The following RNF19A variants were observed in gnomAD, a reference collection of about 807,000 sequenced individuals.
The protein encoded by RNF19A is E3 ubiquitin-protein ligase RNF19A.
A neutral mutation model predicts 75.7 loss-of-function variants in RNF19A; 32 were observed. The ratio of observed to expected loss-of-function variants is 0.42; its 90% confidence interval spans 0.32 to 0.57. RNF19A has a LOEUF of 0.57. Among genes scored for constraint, RNF19A ranks in the 20% least tolerant of loss-of-function variants. RNF19A has a pLI of 0.10. For missense variants in RNF19A, 782 were observed against 1,036.3 expected (o/e 0.75, Z 3.37); for synonymous variants, 335 against 345.2 (o/e 0.97, Z 0.33).
intron 1 of RNF19A, among the ~76,000 whole-genome samples, chr8:100,290,768 T>C (rs1341804881): frequency 2.0e-5 from 3 of 152,212 alleles, no homozygotes; most frequent in African/African-American, 7.2e-5. Flanking sequence ...GATGTTATAG[T>C]CTATTACACA....
At chr8:100,297,505 T>G (rs1364843838) in intron 1 of RNF19A, among the ~76,000 whole-genome samples, 1 of 152,222 alleles carries the variant, frequency 6.6e-6, no homozygotes, top group Admixed American at 6.5e-5. Flanking sequence ...GTGGCCACAT[T>G]ATTAGTCCTG....
chr8:100,300,084 A>G (rs1342165231), intron 1 of RNF19A, among the ~76,000 whole-genome samples: 1 of 152,238 alleles, frequency 6.6e-6, no homozygotes, highest in Non-Finnish European at 1.5e-5. Flanking sequence ...GGTAATTCTC[A>G]GATGGAATAA....
intron 2 of RNF19A, among the ~76,000 whole-genome samples, chr8:100,280,601 A>G (rs1279466610): frequency 1.3e-5 from 2 of 152,212 alleles, no homozygotes; most frequent in Non-Finnish European, 2.9e-5. Context: ...CTTTAATAAT[A>G]CTGACCAAAT....
intron 3 of RNF19A, among the ~76,000 whole-genome samples, chr8:100,274,127 T>C (rs1820389959): frequency 6.6e-6 from 1 of 152,164 alleles, no homozygotes; most frequent in Non-Finnish European, 1.5e-5. Flanking sequence ...TTGCTCAGGA[T>C]TGCTCACGGA....
chr8:100,283,148 C>A (rs969942855), intron 2 of RNF19A, among the ~76,000 whole-genome samples: 12 of 151,810 alleles, frequency 7.9e-5, no homozygotes, highest in African/African-American at 2.9e-4. Context: ...CTTGTATATT[C>A]AAAGCTCCCC....
At chr8:100,297,286 A>C (rs1821610611) in intron 1 of RNF19A, among the ~76,000 whole-genome samples, 1 of 152,214 alleles carries the variant, frequency 6.6e-6, no homozygotes, top group African/African-American at 2.4e-5. Flanking sequence ...TAGACGCGTG[A>C]GCACATAATA....
At chr8:100,313,454 A>G (rs1192223690), upstream of RNF19A, 4 of 243,938 alleles carry the variant, frequency 1.6e-5, no homozygotes, top group Non-Finnish European at 2.6e-5. Flanking sequence ...AGCCAGAAAC[A>G]CTTGTCAAAT....
At chr8:100,267,869 G>C (rs1234579043) in intron 5 of RNF19A, among the ~76,000 whole-genome samples, 2 of 151,558 alleles carry the variant, frequency 1.3e-5, no homozygotes, top group African/African-American at 4.8e-5. Context: ...GTAGAGATGG[G>C]GTTTCACCAT....
At position 100,332,844 on chromosome 8, in the gene RNF19A, C is replaced by A. The variant is rs1822628097; in HGVS notation, c.-243+3264G>T. Among the ~76,000 whole-genome samples, 1 of 152,078 alleles carries A rather than the reference C, an allele frequency of 6.6e-6. No individual in the cohort carries two copies. The highest frequency in any genetic ancestry group is 2.4e-5 in the African/African-American group (1 of 41,428). On this transcript the variant is annotated intron_variant, in intron 1 of 3. Coordinates refer to the RNF19A transcript ENST00000519527. The surrounding 1 kb of genome is among the most constrained non-coding windows in gnomAD (Gnocchi z 4.8). ...CCCATTTTCCTATTAGGATGTTGAC[C>A]ATTATTGATTGGTACAAGCTGTTTA...
intron 2 of RNF19A, among the ~76,000 whole-genome samples, chr8:100,278,565 G>A (rs1733800238): frequency 6.6e-6 from 1 of 152,130 alleles, no homozygotes. Context: ...CAGCTAATAT[G>A]AACACTGAGA....
At chr8:100,280,643 G>A (rs575936866) in intron 2 of RNF19A, among the ~76,000 whole-genome samples, 2 of 152,256 alleles carry the variant, frequency 1.3e-5, no homozygotes, top group Admixed American at 1.3e-4. Context: ...GACAACAAAA[G>A]TTAGAGCAGT....
rs1822583685 is a variant in RNF19A, at chr8:100,329,539, A to T, written c.-243+6569T>A. Among the ~76,000 whole-genome samples, 1 of 152,238 alleles carries T rather than the reference A, an allele frequency of 6.6e-6. No individual in the cohort carries two copies. Among genetic ancestry groups the T allele is most frequent in the Non-Finnish European group, 1.5e-5 (1 of 68,026 alleles). On this transcript the variant is annotated intron_variant, in intron 1 of 3. Coordinates refer to the RNF19A transcript ENST00000519527. The surrounding 1 kb of genome is among the most constrained non-coding windows in gnomAD (Gnocchi z 4.3). Reference sequence around the variant, plus strand: ...ATAAAGGAAGTCAATGGTCCCACTGAACTCAGCAATGGTCAGGCCTCATCT... The same window carrying T: ...ATAAAGGAAGTCAATGGTCCCACTGTACTCAGCAATGGTCAGGCCTCATCT...
chr8:100,287,419 A>T lies in RNF19A; in HGVS notation c.674+82T>A, dbSNP rs968029369. 1.3e-5 allele frequency: 18 copies of T among 1,343,496 alleles called. No homozygotes were observed. Among genetic ancestry groups the T allele is most frequent in the Non-Finnish European group, 1.7e-5 (17 of 984,184 alleles). 83.2% of individuals were successfully genotyped at this position (1,343,496 alleles called of 1,614,324 possible). A position where few individuals can be genotyped will look rare whatever the true frequency, so the allele number is the denominator to read the frequency against. On this transcript the variant is annotated intron_variant, in intron 2 of 9. Coordinates refer to ENST00000341084, the MANE Select transcript of RNF19A (RefSeq NM_183419.4). This position sits in a 1 kb window ranked among gnomAD's most constrained non-coding sequence, Gnocchi z 4.1. ...TGAATGAATTCTCCAGCATGTAAAA[A>T]TTTTTCTTTTGAGTAATAGCAAATT...
intron 1 of RNF19A, among the ~76,000 whole-genome samples, chr8:100,318,081 C>T (rs949286604): frequency 1.6e-4 from 25 of 152,238 alleles, no homozygotes; most frequent in African/African-American, 5.8e-4. Context: ...TACTTCGGGC[C>T]TACATTAAGG....
chr8:100,277,156 G>T (rs1820561633), intron 2 of RNF19A, among the ~76,000 whole-genome samples: 2 of 152,098 alleles, frequency 1.3e-5, no homozygotes, highest in Admixed American at 1.3e-4. Flanking sequence ...ATTTCCTTTT[G>T]CCTGGAAATT....
At position 100,258,282 on chromosome 8, in the gene RNF19A, G is replaced by T; in HGVS notation, c.*274C>A. The T allele has an allele frequency of 6.9e-6, 3 of 434,890 alleles. No individual in the cohort carries two copies. The highest frequency in any genetic ancestry group is 1.2e-5 in the Non-Finnish European group (3 of 248,048). The allele number at this position is 434,890 out of a possible 1,614,324, so 26.9% of individuals were successfully genotyped here. On this transcript the variant is annotated 3_prime_UTR_variant, in exon 10 of 10. Transcript: ENST00000341084. This position sits in a 1 kb window ranked among gnomAD's most constrained non-coding sequence, Gnocchi z 4.3. ...AAGACCAATTTCTATCTAAGTATGT[G>T]CTTCAAGCAATGTTTTGTGGCAAAC...
chr8:100,287,980 A>G lies in RNF19A; in HGVS notation c.195T>C (p.Ile65=). The change falls in exon 2 of 10, where the codon ATT becomes ATC. Residue 65 remains isoleucine, a synonymous_variant. Coordinates refer to ENST00000341084, the MANE Select transcript of RNF19A (RefSeq NM_183419.4). The surrounding 1 kb of genome is among the most constrained non-coding windows in gnomAD (Gnocchi z 4.1). ...TCCTCCGAAACAGGGAGCCTATTGA[A>G]ATTCTTCTTTTTTTGGGTGCCTTTT... ...SVKKAPKKRR[I]SIGSLFRRKK... is the part of the protein sequence containing the mutation. 6.2e-7 allele frequency: 1 copy of G among 1,614,118 alleles called. No individual in the cohort carries two copies. Among genetic ancestry groups the G allele is most frequent in the Non-Finnish European group, 8.5e-7 (1 of 1,180,010 alleles).
At chr8:100,310,607 T>A (rs1312293391), upstream of RNF19A, among the ~76,000 whole-genome samples, 1 of 152,198 alleles carries the variant, frequency 6.6e-6, no homozygotes, top group Admixed American at 6.5e-5. Flanking sequence ...GGCGAGGAAA[T>A]GTCCTTTCCC....
At chr8:100,310,604 A>C (rs1205418202), upstream of RNF19A, among the ~76,000 whole-genome samples, 1 of 152,178 alleles carries the variant, frequency 6.6e-6, no homozygotes, top group African/African-American at 2.4e-5. Flanking sequence ...CTCGGCGAGG[A>C]AATGTCCTTT....
Sources: allele counts gnomAD v4.1 joint callset (sites outside exome capture counted in the v4.1 genomes callset), GRCh38; gene constraint gnomAD v4.1.1; non-coding constraint Gnocchi (gnomAD v3.1); transcripts MANE v1.5; gene names NCBI Gene and HGNC (gene_info 2026-07-23, HGNC 2026-07-21).